The following AP3S1 variants were observed in gnomAD, a reference collection of about 807,000 sequenced individuals.
AP3S1 encodes adaptor related protein complex 3 subunit sigma 1, also known as AP-3 complex subunit sigma-1.
AP3S1 carries 12 observed loss-of-function variants against 21.3 expected under a neutral mutation model. The observed-to-expected ratio is 0.56, with a 90% CI of 0.36 to 0.91. The LOEUF (loss-of-function observed/expected upper bound fraction) is 0.91, where lower values mean the gene tolerates loss of function less well. AP3S1 is among the 40% of genes least tolerant of loss of function. The pLI, the probability that AP3S1 is intolerant of heterozygous loss-of-function variation, is 0.01. For missense variants in AP3S1, 116 were observed against 225.0 expected (o/e 0.52, Z 3.10); for synonymous variants, 48 against 78.4 (o/e 0.61, Z 2.05).
chr5:115,895,295 C>A, intron 4 of AP3S1, 137 bp downstream of exon 4: 1 of 568,908 alleles, frequency 1.8e-6, no homozygotes, highest in Non-Finnish European at 2.9e-6. Context: ...TTACTATGAG[C>A]CAGGCTTTGT....
rs570195190 is a variant in AP3S1, at chr5:115,854,788, C to G, written c.70-11882C>G. On this transcript the variant is annotated intron_variant, in intron 1 of 5. Coordinates refer to ENST00000316788, the MANE Select transcript of AP3S1 (RefSeq NM_001284.4). ...CTGCCCTTCATGTAACTTCATACTC[C>G]CCATTCTCTATATTTTTGAATTCTA... is the stretch of plus-strand genomic sequence containing the variant. Among the ~76,000 whole-genome samples, 8 of 151,750 alleles carry G rather than the reference C, an allele frequency of 5.3e-5. No individual in the cohort carries two copies. The East Asian group carries it at 1.5e-3, about 29-fold the overall frequency.
At chr5:115,861,009 A>G (rs1247862743) in intron 1 of AP3S1, among the ~76,000 whole-genome samples, 18 of 152,280 alleles carry the variant, frequency 1.2e-4, no homozygotes, top group Admixed American at 7.9e-4. Context: ...TGGCTACTCT[A>G]CATCAGCCAC....
chr5:115,909,978 G>A (rs1018991629), intron 5 of AP3S1, among the ~76,000 whole-genome samples: 7 of 152,146 alleles, frequency 4.6e-5, no homozygotes, highest in Admixed American at 3.9e-4. Flanking sequence ...TAAAAGTCAT[G>A]TGAGGCCAGG....
At chr5:115,865,323 G>A (rs933946918) in intron 1 of AP3S1, among the ~76,000 whole-genome samples, 1 of 152,124 alleles carries the variant, frequency 6.6e-6, no homozygotes, top group Non-Finnish European at 1.5e-5. Context: ...AAGAGAAAAA[G>A]TGTAGTGGAG....
At chr5:115,874,052 T>C (rs1020079442) in intron 3 of AP3S1, among the ~76,000 whole-genome samples, 7 of 152,076 alleles carry the variant, frequency 4.6e-5, no homozygotes, top group Admixed American at 6.6e-5. Context: ...TATTAATAAA[T>C]TCGTTATGGA....
chr5:115,891,336 G>A (rs536927732), intron 3 of AP3S1, among the ~76,000 whole-genome samples: 24 of 152,148 alleles, frequency 1.6e-4, no homozygotes, highest in African/African-American at 5.5e-4. Flanking sequence ...TCTCCTGCTG[G>A]GTGTCCTGTA....
chr5:115,861,096 T>C (rs765747076), intron 1 of AP3S1, among the ~76,000 whole-genome samples: 4 of 152,146 alleles, frequency 2.6e-5, no homozygotes, highest in Non-Finnish European at 5.9e-5. Flanking sequence ...TTTGAGCACA[T>C]TGTTATAAGT....
At chr5:115,901,897 T>C (rs1309704601) in intron 4 of AP3S1, among the ~76,000 whole-genome samples, 1 of 152,132 alleles carries the variant, frequency 6.6e-6, no homozygotes, top group Non-Finnish European at 1.5e-5. Flanking sequence ...AATTGAGTAA[T>C]ACATATTTAA....
chr5:115,896,838 T>C (rs1298939435), intron 4 of AP3S1, among the ~76,000 whole-genome samples: 1 of 152,176 alleles, frequency 6.6e-6, no homozygotes, highest in African/African-American at 2.4e-5. Context: ...AGCTGTGTTT[T>C]AAAATGACTG....
intron 4 of AP3S1, among the ~76,000 whole-genome samples, chr5:115,900,302 T>G (rs1751103373): frequency 6.6e-6 from 1 of 152,224 alleles, no homozygotes; most frequent in African/African-American, 2.4e-5. Flanking sequence ...AAATTTTTAA[T>G]ATATTTGATT....
intron 3 of AP3S1, among the ~76,000 whole-genome samples, chr5:115,873,908 A>G (rs1748488499): frequency 2.0e-5 from 3 of 152,134 alleles, no homozygotes; most frequent in South Asian, 2.1e-4. Context: ...TAATTTTGAT[A>G]TTTTAAATAT....
intron 3 of AP3S1, among the ~76,000 whole-genome samples, chr5:115,891,333 C>T (rs1319274471): frequency 1.3e-5 from 2 of 152,106 alleles, no homozygotes; most frequent in African/African-American, 4.8e-5. Context: ...AGTTCTCCTG[C>T]TGGGTGTCCT....
At chr5:115,861,856 T>C (rs561377317) in intron 1 of AP3S1, among the ~76,000 whole-genome samples, 1,482 of 138,368 alleles carry the variant, frequency 0.011, 12 homozygotes, top group Non-Finnish European at 0.015. Flanking sequence ...CAAAATTTTC[T>C]TTTCTTTTCT....
chr5:115,874,761 A>G (rs1485941580), intron 3 of AP3S1, among the ~76,000 whole-genome samples: 13 of 151,796 alleles, frequency 8.6e-5, no homozygotes, highest in African/African-American at 3.1e-4. Context: ...TTCTTTATAG[A>G]CCTTAATTTT....
At chr5:115,903,140 G>A (rs996607742) in intron 5 of AP3S1, 148 bp downstream of exon 5, 18 of 573,852 alleles carry the variant, frequency 3.1e-5, no homozygotes, top group Middle Eastern at 2.7e-4. Context: ...GAATATACAC[G>A]TAGTATGCTA....
At chr5:115,870,227 G>A in intron 3 of AP3S1, 99 bp downstream of exon 3, 1 of 709,228 alleles carries the variant, frequency 1.4e-6, no homozygotes, top group Non-Finnish European at 2.3e-6. Flanking sequence ...ATGTTAGTAA[G>A]AAATAAAGCA....
intron 3 of AP3S1, among the ~76,000 whole-genome samples, chr5:115,876,780 G>T (rs1748754994): frequency 6.6e-6 from 1 of 152,052 alleles, no homozygotes; most frequent in Admixed American, 6.6e-5. Flanking sequence ...TCCCCAATTT[G>T]GGTTTGTTTG....
Position 115,911,807 on chromosome 5 carries a change from C to T in AP3S1, c.454-1555C>T, listed in dbSNP as rs191187668. ...GGGAGCAGGAAGGAAGGGGGGGTAA[C>T]AAAAACTTCATTGCTTCAGGTAGGT... On this transcript the variant is annotated intron_variant, in intron 5 of 5. Coordinates refer to ENST00000316788, the MANE Select transcript of AP3S1 (RefSeq NM_001284.4). 5.0e-3 allele frequency among the ~76,000 whole-genome samples: 752 copies of T among 151,914 alleles called. 8 individuals carry two copies. The highest frequency in any genetic ancestry group is 0.015 in the African/African-American group (607 of 41,482).
At chr5:115,902,336 G>T (rs1343041344) in intron 4 of AP3S1, among the ~76,000 whole-genome samples, 1 of 152,090 alleles carries the variant, frequency 6.6e-6, no homozygotes, top group African/African-American at 2.4e-5. Flanking sequence ...GAAGAAATCT[G>T]AATATTACAT....
Sources: gnomAD v4.1 joint callset for allele counts (sites outside exome capture counted in the v4.1 genomes callset) on GRCh38, gnomAD v4.1.1 for gene constraint, MANE v1.5 for transcripts, NCBI Gene and HGNC (gene_info 2026-07-23, HGNC 2026-07-21) for gene names.